Variants in B4GALT1 observed in about 807,000 individuals in gnomAD.
B4GALT1 encodes the protein N-acetyllactosamine synthase.
Under a neutral mutation model 34.9 loss-of-function variants are expected in B4GALT1, and 16 were observed. The observed-to-expected ratio is 0.46, with a 90% CI of 0.31 to 0.70. B4GALT1 has a LOEUF of 0.70. B4GALT1 is among the 30% of genes least tolerant of loss of function. The probability of loss-of-function intolerance (pLI) is 0.05; values close to 1 mark genes in which losing one functional copy is unlikely to be tolerated. For synonymous variants in B4GALT1, 221 were observed against 218.1 expected (o/e 1.01, Z -0.12); for missense variants, 445 against 530.5 (o/e 0.84, Z 1.58).
chr9:33,129,204 C>A (rs1421072773), intron 2 of B4GALT1, among the ~76,000 whole-genome samples: 1 of 151,882 alleles, frequency 6.6e-6, no homozygotes, highest in African/African-American at 2.4e-5. Context: ...GTGGGAGGTT[C>A]AAAATTCAAA....
intron 1 of B4GALT1, among the ~76,000 whole-genome samples, chr9:33,163,425 G>A (rs948222952): frequency 6.6e-6 from 1 of 152,208 alleles, no homozygotes; most frequent in African/African-American, 2.4e-5. Flanking sequence ...TCAAAGCATA[G>A]GTGGGCAAGA....
chr9:33,184,421 T>C, the B4GALT1 span, among the ~76,000 whole-genome samples: 1 of 152,164 alleles, frequency 6.6e-6, no homozygotes, highest in Non-Finnish European at 1.5e-5. Flanking sequence ...TATCCTGAGC[T>C]TAAAATTCGC....
At chr9:33,172,199 G>T (rs1840848617), upstream of B4GALT1, among the ~76,000 whole-genome samples, 2 of 152,048 alleles carry the variant, frequency 1.3e-5, no homozygotes, top group Admixed American at 6.5e-5. Flanking sequence ...GTGACTTTAG[G>T]TCTCCCTGGG....
At chr9:33,170,021 G>A (rs1840825696), upstream of B4GALT1, among the ~76,000 whole-genome samples, 1 of 143,778 alleles carries the variant, frequency 7.0e-6, no homozygotes, top group Non-Finnish European at 1.5e-5. Flanking sequence ...CCAGGCTGGA[G>A]TGCAGTGGCG....
intron 1 of B4GALT1, among the ~76,000 whole-genome samples, chr9:33,144,864 G>A (rs1324022152): frequency 6.6e-6 from 1 of 152,188 alleles, no homozygotes; most frequent in African/African-American, 2.4e-5. Flanking sequence ...CTGGCAGCAA[G>A]AGCAGCAATC....
chr9:33,164,747 T>A (rs1472570839), intron 1 of B4GALT1, among the ~76,000 whole-genome samples: 1 of 152,188 alleles, frequency 6.6e-6, no homozygotes, highest in Non-Finnish European at 1.5e-5. Context: ...GGTACTTTTG[T>A]TTAACTTGCT....
upstream of B4GALT1, among the ~76,000 whole-genome samples, chr9:33,169,339 G>A (rs1051716151): frequency 6.6e-6 from 1 of 152,086 alleles, no homozygotes; most frequent in Non-Finnish European, 1.5e-5. Flanking sequence ...GCTATTCCTT[G>A]AACTTGCCAT....
chr9:33,113,921 A>T, intron 4 of B4GALT1, 43 bp from the exon 5 acceptor site: 1 of 1,583,638 alleles, frequency 6.3e-7, no homozygotes, highest in Non-Finnish European at 8.7e-7. Context: ...GAGCTGCCAT[A>T]CACTTGGCCT....
At chr9:33,169,968 A>ATTTTTT (rs74178857), upstream of B4GALT1, among the ~76,000 whole-genome samples, 4 of 120,496 alleles carry the variant, frequency 3.3e-5, no homozygotes, top group African/African-American at 6.5e-5. Context: ...CAGCCCCTAG[A>ATTTTTT]TTTTTTTTTT....
intron 1 of B4GALT1, among the ~76,000 whole-genome samples, chr9:33,158,142 T>C (rs1303097924): frequency 2.0e-5 from 3 of 151,940 alleles, no homozygotes. Context: ...CTCGCCAAAC[T>C]GGAATCTAGG....
chr9:33,181,653 A>G, the B4GALT1 span, among the ~76,000 whole-genome samples: 1 of 152,128 alleles, frequency 6.6e-6, no homozygotes, highest in Non-Finnish European at 1.5e-5. Context: ...TCAGAGCACT[A>G]TACCCCTCTG....
exon 3 of B4GALT1, chr9:33,104,304 C>T (rs1416677949): frequency 6.4e-6 from 1 of 155,530 alleles, no homozygotes; most frequent in Admixed American, 6.5e-5. Context: ...AATCCAGCCC[C>T]CAGCTTGTCA....
chr9:33,135,057 G>C (rs1840246328), intron 2 of B4GALT1, 132 bp downstream of exon 2: 7 of 914,122 alleles, frequency 7.7e-6, no homozygotes, highest in Non-Finnish European at 3.5e-6. Flanking sequence ...TGGTGGCTGG[G>C]GGGCTGGTTC....
chr9:33,145,081 C>T (rs1464829799), intron 1 of B4GALT1, among the ~76,000 whole-genome samples: 4 of 152,230 alleles, frequency 2.6e-5, no homozygotes, highest in Admixed American at 2.6e-4. Flanking sequence ...GCTGGACCAA[C>T]TGGGCAAAGT....
chr9:33,150,569 T>A (rs970904414), intron 1 of B4GALT1, among the ~76,000 whole-genome samples: 5 of 152,106 alleles, frequency 3.3e-5, no homozygotes, highest in Admixed American at 3.3e-4. Flanking sequence ...AGATCAGTGG[T>A]TGCCTGGGAT....
At chr9:33,164,634 A>T (rs1840721632) in intron 1 of B4GALT1, among the ~76,000 whole-genome samples, 1 of 152,224 alleles carries the variant, frequency 6.6e-6, no homozygotes, top group Admixed American at 6.5e-5. Context: ...ATCACTAGCA[A>T]CACCATTACA....
At chr9:33,156,219 C>A (rs575548050) in intron 1 of B4GALT1, among the ~76,000 whole-genome samples, 17 of 151,914 alleles carry the variant, frequency 1.1e-4, no homozygotes, top group Non-Finnish European at 2.5e-4. Flanking sequence ...CTGCAACCTC[C>A]GCCTCCCAGG....
chr9:33,163,990 C>T (rs1192446587), intron 1 of B4GALT1, among the ~76,000 whole-genome samples: 1 of 152,114 alleles, frequency 6.6e-6, no homozygotes, highest in Admixed American at 6.5e-5. Context: ...GCAGCCTGCC[C>T]CAGGTCACAC....
upstream of B4GALT1, among the ~76,000 whole-genome samples, chr9:33,172,341 A>G (rs1307126257): frequency 2.6e-5 from 4 of 152,106 alleles, no homozygotes; most frequent in African/African-American, 4.8e-5. Flanking sequence ...GTCATGCACA[A>G]TTATTTCTTC....
Sources: allele counts gnomAD v4.1 joint callset (sites outside exome capture counted in the v4.1 genomes callset), GRCh38; gene constraint gnomAD v4.1.1; transcripts MANE v1.5; gene names NCBI Gene and HGNC (gene_info 2026-07-23, HGNC 2026-07-21).